MAP3K15: variants seen among roughly 807,000 people sequenced by gnomAD.
MAP3K15 encodes mitogen-activated protein kinase kinase kinase 15, also known as MAPK/ERK kinase kinase 15.
In MAP3K15, 124 loss-of-function variants were observed where a neutral mutation model predicts 99.5. The ratio of observed to expected loss-of-function variants is 1.25; its 90% CI spans 1.08 to 1.45. MAP3K15 has a LOEUF of 1.45. Ranked by LOEUF, MAP3K15 falls within the 40% of genes most tolerant of loss-of-function variation. MAP3K15 has a pLI of 0.00. For synonymous variants in MAP3K15, 494 were observed against 439.6 expected (o/e 1.12, Z -1.55); for missense variants, 1,242 against 1,079.7 (o/e 1.15, Z -2.11).
intron 1 of MAP3K15, among the ~76,000 whole-genome samples, chrX:19,500,793 A>T (rs2147422493): frequency 8.9e-6 from 1 of 112,289 alleles, no homozygotes; most frequent in African/African-American, 3.2e-5. Context: ...AAAACAGTTT[A>T]TGGCTCGTAT....
chrX:19,445,774 C>G (rs983940989), intron 6 of MAP3K15, among the ~76,000 whole-genome samples: 4 of 107,674 alleles, frequency 3.7e-5, no homozygotes, highest in African/African-American at 1.4e-4. Context: ...TAGCGAAAGC[C>G]AATATCTACT....
At chrX:19,455,646 C>T (rs992497603) in intron 6 of MAP3K15, among the ~76,000 whole-genome samples, 2 of 106,612 alleles carry the variant, frequency 1.9e-5, no homozygotes, top group South Asian at 4.3e-4. Context: ...AAGCATGAGC[C>T]ACTGCGGCCG....
intron 6 of MAP3K15, among the ~76,000 whole-genome samples, chrX:19,441,479 G>A (rs1457878210): frequency 9.0e-6 from 1 of 111,555 alleles, no homozygotes. Context: ...TAAATGGGTT[G>A]TTTTTTGGGT....
chrX:19,361,299 A>C, intron 28 of MAP3K15, 40 bp downstream of exon 28: 1 of 1,077,030 alleles, frequency 9.3e-7, no homozygotes, highest in Non-Finnish European at 1.3e-6. Context: ...CACACATAAA[A>C]AGTTGTATTC....
chrX:19,379,185 G>A (rs770371496), intron 19 of MAP3K15, among the ~76,000 whole-genome samples: 13 of 110,541 alleles, frequency 1.2e-4, no homozygotes, highest in Non-Finnish European at 1.9e-4. Flanking sequence ...TCTTTTAAAC[G>A]GCTAAATAAG....
At chrX:19,366,580 T>C (rs2063336487) in intron 25 of MAP3K15, among the ~76,000 whole-genome samples, 1 of 111,723 alleles carries the variant, frequency 9.0e-6, no homozygotes, top group African/African-American at 3.3e-5. Context: ...CTGATGGCTT[T>C]ATAAGGGAAA....
At chrX:19,361,620 A>G in intron 26 of MAP3K15, 27 bp from the exon 27 acceptor site, 2 of 1,045,828 alleles carry the variant, frequency 1.9e-6, no homozygotes, top group South Asian at 3.9e-5. Context: ...TTTGTTATAT[A>G]TTAGTCTAAC....
rs185064363 is a variant in MAP3K15, at chrX:19,507,694, A to T, written c.361+7207T>A. On this transcript the variant is annotated intron_variant, in intron 1 of 28. Coordinates refer to ENST00000338883, the MANE Select transcript of MAP3K15 (RefSeq NM_001001671.4). The stretch of plus-strand genomic sequence containing the variant: ...TGTCAACATATGTGTAAGTTCATCA[A>T]TTGTCACAAGTGCCGTAGTCTGGTG... Among the ~76,000 whole-genome samples the T allele has an allele frequency of 1.4e-3, 154 of 108,118 alleles. 1 individual carries two copies. Among genetic ancestry groups the T allele is most frequent in the Non-Finnish European group, 2.2e-3 (115 of 52,295 alleles). 93.9% of individuals were successfully genotyped at this position (108,118 alleles called of 115,157 possible).
chrX:19,369,885 G>C (rs183426365), intron 24 of MAP3K15, among the ~76,000 whole-genome samples: 7,012 of 109,640 alleles, frequency 0.064, 468 homozygotes, highest in African/African-American at 0.2. Context: ...ACTCCAGCCT[G>C]GGTGACAGAG....
chrX:19,412,212 T>A (rs2063694408), intron 11 of MAP3K15, among the ~76,000 whole-genome samples: 2 of 112,131 alleles, frequency 1.8e-5, no homozygotes, highest in Admixed American at 9.5e-5. Context: ...TATTCCACGG[T>A]GGCTTTAGAG....
At chrX:19,385,074 A>T (rs2063486188) in intron 18 of MAP3K15, among the ~76,000 whole-genome samples, 1 of 112,000 alleles carries the variant, frequency 8.9e-6, no homozygotes, top group African/African-American at 3.2e-5. Flanking sequence ...TTAAGAAATG[A>T]TCCCCCAAAT....
At chrX:19,407,307 T>C (rs771757086) in intron 12 of MAP3K15, 24 bp from the exon 13 acceptor site, 21 of 967,271 alleles carry the variant, frequency 2.2e-5, no homozygotes, top group African/African-American at 9.8e-5. Flanking sequence ...AAGCATAATG[T>C]TTATACATAA....
At chrX:19,490,349 A>C (rs1469843594) in intron 1 of MAP3K15, among the ~76,000 whole-genome samples, 5 of 111,443 alleles carry the variant, frequency 4.5e-5, no homozygotes, top group Non-Finnish European at 9.4e-5. Flanking sequence ...TTCTGTATAG[A>C]ATTCTGTTGT....
intron 9 of MAP3K15, among the ~76,000 whole-genome samples, 190 bp downstream of exon 9, chrX:19,425,341 G>T (rs1293172237): frequency 8.9e-6 from 1 of 111,899 alleles, no homozygotes; most frequent in East Asian, 2.8e-4. Context: ...AGCAGGCAGG[G>T]ATATATTCTG....
intron 3 of MAP3K15, among the ~76,000 whole-genome samples, chrX:19,480,642 C>T (rs111243377): frequency 0.016 from 1,453 of 92,912 alleles, 37 homozygotes; most frequent in African/African-American, 0.06. Flanking sequence ...CTGCAAAACC[C>T]GGTCTCTACT....
intron 1 of MAP3K15, among the ~76,000 whole-genome samples, chrX:19,493,847 A>AC (rs202231198): frequency 3.2e-3 from 353 of 111,068 alleles, no homozygotes; most frequent in African/African-American, 0.011. Context: ...AGCTTTTCCA[A>AC]CCCCAAGTCC....
chrX:19,452,781 G>A (rs1338379192), intron 6 of MAP3K15, among the ~76,000 whole-genome samples: 1 of 112,164 alleles, frequency 8.9e-6, no homozygotes, highest in East Asian at 2.8e-4. Flanking sequence ...TATGGTCCAT[G>A]ATGGCTTTGA....
intron 19 of MAP3K15, among the ~76,000 whole-genome samples, chrX:19,374,908 G>A (rs1444879254): frequency 5.4e-5 from 6 of 111,420 alleles, no homozygotes; most frequent in Admixed American, 1.9e-4. Context: ...TTCAGGGCCC[G>A]GGCCTTAAGA....
chrX:19,423,486 T>C (rs921136040), intron 9 of MAP3K15, among the ~76,000 whole-genome samples: 1 of 112,318 alleles, frequency 8.9e-6, no homozygotes, highest in Non-Finnish European at 1.9e-5. Flanking sequence ...TGGAATATAG[T>C]TGCCAGGCAG....
Sources: allele counts gnomAD v4.1 joint callset (sites outside exome capture counted in the v4.1 genomes callset), GRCh38; gene constraint gnomAD v4.1.1; transcripts MANE v1.5; gene names NCBI Gene and HGNC (gene_info 2026-07-23, HGNC 2026-07-21).